Variants in CSF1R observed in about 807,000 individuals in gnomAD.
CSF1R encodes colony stimulating factor 1 receptor, also known as macrophage colony-stimulating factor 1 receptor.
A neutral mutation model predicts 110.0 loss-of-function variants in CSF1R; 40 were observed. That is an observed-to-expected ratio of 0.36 (90% CI 0.28 to 0.47). The LOEUF (loss-of-function observed/expected upper bound fraction) is 0.47, where lower values mean the gene tolerates loss of function less well. Ranked by LOEUF, CSF1R falls within the 20% of genes least tolerant of loss-of-function variation. The pLI, the probability that CSF1R is intolerant of heterozygous loss-of-function variation, is 0.99. For missense variants in CSF1R, 1,052 were observed against 1,253.0 expected, an observed-to-expected ratio of 0.84 and a Z score of 2.42; for synonymous variants, 523 against 503.4, an observed-to-expected ratio of 1.04 and a Z score of -0.52.
chr5:150,059,654 C>T (rs1233859410), intron 14 of CSF1R, 46 bp downstream of exon 14: 2 of 1,601,240 alleles, frequency 1.2e-6, no homozygotes, highest in Non-Finnish European at 1.7e-6. Context: ...GACTCGGATC[C>T]TGCCTCCCAG....
At position 150,078,145 on chromosome 5, in the gene CSF1R, G is replaced by A. The variant is rs2113826608; in HGVS notation, c.696C>T (p.Asn232=). The change falls in exon 4 of 21, where the codon AAC becomes AAT. Residue 232 remains asparagine, a synonymous_variant. Transcript: ENST00000675795. ...TGTTGTGTTGGAGGAAGACATCAAA[G>A]TTAACATCAACGCTGCTGGCTGAGC... ...IVCSASSVDV[N]FDVFLQHNNT... 1 of 1,614,108 alleles carries A rather than the reference G, an allele frequency of 6.2e-7. No homozygotes were observed. Among genetic ancestry groups the A allele is most frequent in the Non-Finnish European group, 8.5e-7 (1 of 1,180,006 alleles).
In CSF1R at chr5:150,055,357, T is replaced by A. The variant is rs557969688; in HGVS notation, c.2555-21A>T. ...CAGCCCTGCAAAGGCCAAGATCAGG[T>A]AAGAGGCCATGCCCATTGTCTTCTC... On this transcript the variant is annotated intron_variant, in intron 18 of 20. Coordinates refer to ENST00000675795, the MANE Select transcript of CSF1R (RefSeq NM_001288705.3). The A allele has an allele frequency of 5.0e-6, 8 of 1,598,992 alleles. No homozygotes were observed. In the African/African-American group the frequency reaches 9.4e-5, roughly 19 times the overall value.
At chr5:150,105,036 G>A (rs549186008) in intron 1 of CSF1R, among the ~76,000 whole-genome samples, 32 of 150,320 alleles carry the variant, frequency 2.1e-4, no homozygotes, top group African/African-American at 7.1e-4. Flanking sequence ...CCACCACCAC[G>A]CCCAGCTAAT....
At position 150,053,636 on chromosome 5, in the gene CSF1R, C is replaced by T. The variant is rs1483919230; in HGVS notation, c.*433G>A. The T allele has an allele frequency of 5.2e-5, 15 of 286,672 alleles. No individual in the cohort carries two copies. The East Asian group carries it at 7.8e-4, about 15-fold the overall frequency. The allele number at this position is 286,672 out of a possible 1,614,324, so 17.8% of individuals were successfully genotyped here. ...GAGTGTGGTCTGTGAGCATCTGCTGCTCCTCTCAGAGAGGGAGATCTCACT... is the reference window on the plus strand; with the variant it reads ...GAGTGTGGTCTGTGAGCATCTGCTGTTCCTCTCAGAGAGGGAGATCTCACT... On this transcript the variant is annotated 3_prime_UTR_variant, in exon 21 of 21. Coordinates refer to ENST00000675795, the MANE Select transcript of CSF1R (RefSeq NM_001288705.3).
intron 4 of CSF1R, 41 bp downstream of exon 4, chr5:150,078,071 G>C: frequency 6.2e-7 from 1 of 1,611,538 alleles, no homozygotes; most frequent in South Asian, 1.1e-5. Flanking sequence ...GGTGTGCTGG[G>C]AGGATGGCCA....
In CSF1R at chr5:150,054,173, T is replaced by C. The variant is rs1250111609; in HGVS notation, c.2815A>G (p.Ser939Gly). ...GAGCTCTCCTCCTCCAGCTCACTGCTGCTGCTGCCGCTGCCACCGCTTCTG... is the reference window on the plus strand; with the variant it reads ...GAGCTCTCCTCCTCCAGCTCACTGCCGCTGCTGCCGCTGCCACCGCTTCTG... ...SSRSGGSGSS[S>G]SELEEESSSE... Residue 939 changes from serine (S) to glycine (G), a missense_variant, in exon 21 of 21, where the codon AGC becomes GGC. This residue lies in a region of CSF1R where 85 missense variants were observed against 78.8 expected (regional missense o/e 1.08). Transcript: ENST00000675795. 6.2e-7 allele frequency: 1 copy of C among 1,612,472 alleles called. No homozygotes were observed. The highest frequency in any genetic ancestry group is 1.3e-5 in the African/African-American group (1 of 74,890).
intron 1 of CSF1R, among the ~76,000 whole-genome samples, chr5:150,084,810 T>C (rs1274172602): frequency 6.6e-6 from 1 of 152,152 alleles, no homozygotes; most frequent in African/African-American, 2.4e-5. Context: ...TCAGATACTT[T>C]TCCGTTTTTG....
In CSF1R at chr5:150,061,608, C is replaced by T. The variant is rs200522818; in HGVS notation, c.1754-13G>A. 80 of 1,614,152 alleles carry T rather than the reference C, an allele frequency of 5.0e-5. No individual in the cohort carries two copies. The Admixed American group carries it at 1.1e-3, about 23-fold the overall frequency. ...CCGAGGGTCTTACCTGCCACGCACA[C>T]AGGTCCCTTAAGTCCCTGGGCACCA... On this transcript the variant is annotated splice_polypyrimidine_tract_variant and intron_variant, in intron 11 of 20. Coordinates refer to ENST00000675795, the MANE Select transcript of CSF1R (RefSeq NM_001288705.3).
At chr5:150,076,537 C>T (rs1431827062) in intron 5 of CSF1R, among the ~76,000 whole-genome samples, 1 of 152,172 alleles carries the variant, frequency 6.6e-6, no homozygotes, top group Non-Finnish European at 1.5e-5. Context: ...CGAAGTGCCT[C>T]CTCTGTACAA....
At position 150,077,369 on chromosome 5, in the gene CSF1R, C is replaced by A. The variant is rs148357861; in HGVS notation, c.796G>T (p.Asp266Tyr). 6.2e-7 allele frequency: 1 copy of A among 1,614,108 alleles called. No homozygotes were observed. Among genetic ancestry groups the A allele is most frequent in the Non-Finnish European group, 8.5e-7 (1 of 1,180,032 alleles). The change falls in exon 5 of 21, where the codon GAT (aspartate) becomes TAT (tyrosine). Residue 266 changes from aspartate (D) to tyrosine (Y), a missense_variant. This residue lies in a region of CSF1R where 693 missense variants were observed against 735.4 expected (regional missense o/e 0.94). Transcript: ENST00000675795. Reference protein sequence around the residue: ...RYQKVLTLNLDQVDFQHAGNY... With the variant: ...RYQKVLTLNLYQVDFQHAGNY... ...CCGGCATGTTGGAAATCTACTTGAT[C>A]GAGGTTGAGGGTCAGGACTTTTTGG...
intron 1 of CSF1R, among the ~76,000 whole-genome samples, chr5:150,083,230 C>A (rs552188587): frequency 6.6e-6 from 1 of 151,674 alleles, no homozygotes; most frequent in Non-Finnish European, 1.5e-5. Flanking sequence ...TTCTTCCCCC[C>A]TCTCATCTCC....
chr5:150,069,850 CG>C (rs1757954459), intron 9 of CSF1R, 22 bp downstream of exon 9: 2 of 1,572,452 alleles, frequency 1.3e-6, no homozygotes, highest in African/African-American at 2.7e-5. Flanking sequence ...GGGGGCGGTG[CG>C]GGTGCGAAGG....
chr5:150,086,282 C>T lies in CSF1R; in HGVS notation c.49+97G>A, dbSNP rs2113845706. 2.4e-6 allele frequency: 3 copies of T among 1,259,442 alleles called. No homozygotes were observed. The East Asian group carries it at 7.6e-5, about 32-fold the overall frequency. 78.0% of individuals were successfully genotyped at this position (1,259,442 alleles called of 1,614,324 possible). On this transcript the variant is annotated intron_variant, in intron 1 of 20. Transcript: ENST00000675795. ...CCAGTGTTGGGGAGACTAAAACAGC[C>T]TGAGGACACCCAGTGAGGGGCAAGG...
chr5:150,068,850 A>G lies in CSF1R; in HGVS notation c.1511-520T>C, dbSNP rs559168825. ...TGAGTCTCCTCTTCCCAGAATCTAT[A>G]CTACTAGTTCTAGTGATGTTTTGGA... On this transcript the variant is annotated intron_variant, in intron 9 of 20. Coordinates refer to ENST00000675795, the MANE Select transcript of CSF1R (RefSeq NM_001288705.3). Among the ~76,000 whole-genome samples, 15 of 152,290 alleles carry G rather than the reference A, an allele frequency of 9.8e-5. No individual in the cohort carries two copies. The East Asian group carries it at 1.9e-3, about 20-fold the overall frequency.
Position 150,054,334 on chromosome 5 carries a change from G to A in CSF1R, c.2751C>T (p.Asp917=), listed in dbSNP as rs1307151072. ...TCACCCCACTCACCCGCTCTCTCCT[G>A]TCCTCTTGGGCCTGCTCCTGAAGGA... ...CSFLQEQAQE[D]RRERDYTNLP... is the part of the protein sequence containing the mutation. The change falls in exon 20 of 21, where the codon GAC becomes GAT. Residue 917 remains aspartate, a synonymous_variant. Coordinates refer to ENST00000675795, the MANE Select transcript of CSF1R (RefSeq NM_001288705.3). 6.2e-7 allele frequency: 1 copy of A among 1,614,162 alleles called. No individual in the cohort carries two copies. Among genetic ancestry groups the A allele is most frequent in the Non-Finnish European group, 8.5e-7 (1 of 1,180,032 alleles).
Position 150,069,956 on chromosome 5 carries a change from G to T in CSF1R, c.1427C>A (p.Thr476Asn). The T allele has an allele frequency of 2.5e-6, 4 of 1,614,008 alleles. No individual in the cohort carries two copies. The highest frequency in any genetic ancestry group is 4.5e-5 in the East Asian group (2 of 44,884). Reference protein sequence around the residue: ...VTVQSLLTVETLEHNQTYECR... With the variant: ...VTVQSLLTVENLEHNQTYECR... ...CTCGTAGGTTTGGTTGTGCTCTAAG[G>T]TCTCAACAGTCAGCAGGCTCTGCAC... The change falls in exon 9 of 21, where the codon ACC becomes AAC. Residue 476 changes from threonine (T) to asparagine (N), a missense_variant. Around this residue, in one of 5 missense-constraint regions of CSF1R, gnomAD observed 693 missense variants for 735.4 expected, o/e 0.94. Coordinates refer to ENST00000675795, the MANE Select transcript of CSF1R (RefSeq NM_001288705.3).
At chr5:150,064,565 C>G (rs1331544620) in intron 10 of CSF1R, among the ~76,000 whole-genome samples, 1 of 152,190 alleles carries the variant, frequency 6.6e-6, no homozygotes, top group African/African-American at 2.4e-5. Context: ...CTTCCCAGCC[C>G]AAAAGACAGC....
At chr5:150,058,443 G>GA (rs1757350436) in intron 14 of CSF1R, among the ~76,000 whole-genome samples, 1 of 152,154 alleles carries the variant, frequency 6.6e-6, no homozygotes, top group African/African-American at 2.4e-5. Flanking sequence ...AGGAGAAACC[G>GA]AAAAAACCTT....
At chr5:150,089,075 C>T (rs1002358367), upstream of CSF1R, among the ~76,000 whole-genome samples, 3 of 152,118 alleles carry the variant, frequency 2.0e-5, no homozygotes, top group Non-Finnish European at 2.9e-5. Context: ...AGGGAACAGC[C>T]TCAACGTGAT....
Sources: gnomAD v4.1 joint callset for allele counts (sites outside exome capture counted in the v4.1 genomes callset) on GRCh38, gnomAD v4.1.1 for gene constraint, gnomAD v4.1.1 regional missense constraint, MANE v1.5 for transcripts, NCBI Gene and HGNC (gene_info 2026-07-23, HGNC 2026-07-21) for gene names.